The following OPHN1 variants were observed in gnomAD, a reference collection of about 807,000 sequenced individuals.
OPHN1 encodes oligophrenin-1.
Under a neutral mutation model 60.7 loss-of-function variants are expected in OPHN1, and 11 were observed. That is an observed-to-expected ratio of 0.18 (90% CI 0.11 to 0.30). The LOEUF (loss-of-function observed/expected upper bound fraction) is 0.30, where lower values mean the gene tolerates loss of function less well. Among genes scored for constraint, OPHN1 ranks in the 10% least tolerant of loss-of-function variants. The pLI is 1.00. For missense variants in OPHN1, 449 were observed against 611.0 expected, an observed-to-expected ratio of 0.73 and a Z score of 2.80; for synonymous variants, 226 against 222.6, an observed-to-expected ratio of 1.02 and a Z score of -0.14.
chrX:68,317,932 A>G (rs1387999028), intron 2 of OPHN1, among the ~76,000 whole-genome samples: 1 of 111,200 alleles, frequency 9.0e-6, no homozygotes, highest in Non-Finnish European at 1.9e-5. Flanking sequence ...CAAACAAAAA[A>G]CTATACATTG....
intron 20 of OPHN1, chrX:68,071,652 C>T (rs1819500257): frequency 3.6e-6 from 2 of 550,635 alleles, no homozygotes; most frequent in African/African-American, 2.2e-5. Context: ...AGCCTTAATC[C>T]TCTGGTTGTT....
intron 21 of OPHN1, among the ~76,000 whole-genome samples, chrX:68,056,021 G>A (rs954970900): frequency 9.0e-6 from 1 of 110,948 alleles, no homozygotes; most frequent in Non-Finnish European, 1.9e-5. Flanking sequence ...GTTAATGGGT[G>A]CAGCACACCA....
At chrX:68,230,263 A>G (rs2077720996) in intron 6 of OPHN1, among the ~76,000 whole-genome samples, 1 of 111,515 alleles carries the variant, frequency 9.0e-6, no homozygotes, top group South Asian at 3.8e-4. Flanking sequence ...GTCAGGAAAC[A>G]ACAGGTGCTG....
chrX:68,333,550 A>G (rs942686649), intron 2 of OPHN1, among the ~76,000 whole-genome samples: 5 of 110,845 alleles, frequency 4.5e-5, no homozygotes, highest in African/African-American at 1.3e-4. Context: ...CAGGAGAATC[A>G]CTTGAACCCG....
chrX:68,169,334 T>C (rs886849807), intron 15 of OPHN1, among the ~76,000 whole-genome samples: 1 of 111,322 alleles, frequency 9.0e-6, no homozygotes, highest in East Asian at 2.8e-4. Context: ...AGAATCAATA[T>C]TGTGAAAATG....
chrX:68,234,473 C>T lies in OPHN1; in HGVS notation c.486+14G>A. 2 of 1,155,308 alleles carry T rather than the reference C, an allele frequency of 1.7e-6. No homozygotes were observed. Among genetic ancestry groups the T allele is most frequent in the Non-Finnish European group, 2.4e-6 (2 of 843,968 alleles). On this transcript the variant is annotated intron_variant, in intron 6 of 24. Coordinates refer to ENST00000355520, the MANE Select transcript of OPHN1 (RefSeq NM_002547.3). ...GCTAGCAATGGAAGGCAGGGGCAGGCTTTGTGAACATACCTCTTGTAACTG... is the reference window on the plus strand; with the variant it reads ...GCTAGCAATGGAAGGCAGGGGCAGGTTTTGTGAACATACCTCTTGTAACTG...
rs919339469 is a variant in OPHN1 at position 68,383,883 on chromosome X, A to C, written c.154+48984T>G. Among the ~76,000 whole-genome samples, 13 of 110,931 alleles carry C rather than the reference A, an allele frequency of 1.2e-4. 1 individual carries two copies. Among genetic ancestry groups the C allele is most frequent in the African/African-American group, 4.3e-4 (13 of 30,525 alleles). ...CAGTGTTACTGGTGACAAAGCCAAG[A>C]TCTAGAAGCAACTTGACCAGGGAGT... On this transcript the variant is annotated intron_variant, in intron 2 of 24. Transcript: ENST00000355520.
intron 5 of OPHN1, among the ~76,000 whole-genome samples, chrX:68,265,620 C>T (rs1374656957): frequency 1.8e-5 from 2 of 111,682 alleles, no homozygotes; most frequent in African/African-American, 6.5e-5. Context: ...ACTCAGAGCA[C>T]CTCTCCTCCT....
chrX:68,316,691 TTC>T (rs1434232602), intron 2 of OPHN1, among the ~76,000 whole-genome samples: 1 of 111,689 alleles, frequency 9.0e-6, no homozygotes, highest in African/African-American at 3.3e-5. Context: ...ACCACTCTGG[TTC>T]TCTCTTTCCT....
intron 2 of OPHN1, among the ~76,000 whole-genome samples, chrX:68,425,812 C>CTT (rs1188011531): frequency 0.043 from 1,669 of 38,624 alleles, 568 homozygotes; most frequent in Non-Finnish European, 0.05. Context: ...GGACTGGATT[C>CTT]TTTTTTTTTT....
chrX:68,236,926 ATAT>A (rs2077755402), intron 5 of OPHN1, among the ~76,000 whole-genome samples: 7 of 112,234 alleles, frequency 6.2e-5, no homozygotes, highest in South Asian at 3.7e-4. Context: ...CTATTGATCT[ATAT>A]GTCTATCTTT....
At chrX:68,399,403 C>A (rs1475716501) in intron 2 of OPHN1, among the ~76,000 whole-genome samples, 6 of 112,069 alleles carry the variant, frequency 5.4e-5, no homozygotes, top group African/African-American at 1.9e-4. Flanking sequence ...GTAATCCCAG[C>A]ACTTTGGGAG....
Position 68,073,245 on chromosome X carries a change from C to A in OPHN1, c.1741G>T (p.Val581Leu). 8.3e-7 allele frequency: 1 copy of A among 1,211,482 alleles called. No homozygotes were observed. The change falls in exon 20 of 25, where the codon GTG (valine) becomes TTG (leucine). Residue 581 changes from valine (V) to leucine (L), a missense_variant. This residue lies in a region of OPHN1 where 166 missense variants were observed against 278.4 expected (regional missense o/e 0.60). Coordinates refer to ENST00000355520, the MANE Select transcript of OPHN1 (RefSeq NM_002547.3). ...ATTGGTTTGTGCCTTCTTGCTGTCA[C>A]CCGAGGCGGAGGCACTGGCGGTGCA... ...SAAPPVPPPR[V>L]TARRHKPITI... is the part of the protein sequence containing the mutation.
At chrX:68,158,310 A>G (rs754213316) in intron 15 of OPHN1, among the ~76,000 whole-genome samples, 5 of 112,551 alleles carry the variant, frequency 4.4e-5, no homozygotes, top group Non-Finnish European at 9.4e-5. Flanking sequence ...GGGCAGTGAC[A>G]TATACAAGAG....
chrX:68,190,011 A>T (rs960765936), intron 15 of OPHN1, among the ~76,000 whole-genome samples: 1 of 110,868 alleles, frequency 9.0e-6, no homozygotes, highest in Non-Finnish European at 1.9e-5. Flanking sequence ...GATGTTACGT[A>T]ACCAAAAGGC....
intron 2 of OPHN1, among the ~76,000 whole-genome samples, chrX:68,383,598 GAAAAAAAAAAAAAA>G (rs10591078): frequency 4.5e-5 from 1 of 22,366 alleles, no homozygotes; most frequent in Non-Finnish European, 8.4e-5. Flanking sequence ...CTCCATCCCA[GAAAAAAAAAAAAAA>G]AAAAAAAAAA....
At chrX:68,331,955 G>C in intron 2 of OPHN1, among the ~76,000 whole-genome samples, 1 of 110,269 alleles carries the variant, frequency 9.1e-6, no homozygotes, top group East Asian at 2.8e-4. Context: ...AGAATCACTT[G>C]AACCTGAGAG....
rs922859582 is a variant in OPHN1, at chrX:68,071,307, C to A, written c.1834+1845G>T. 55 of 766,240 alleles carry A rather than the reference C, an allele frequency of 7.2e-5. No individual in the cohort carries two copies. The African/African-American group carries it at 1.1e-3, about 15-fold the overall frequency. 63.1% of individuals were successfully genotyped at this position (766,240 alleles called of 1,213,427 possible). Reference sequence around the variant, plus strand: ...CACCATTGACATGCACATTCCCTAGCTTGGAAAGTGAAGCTCGGAAAGCTT... The same window carrying A: ...CACCATTGACATGCACATTCCCTAGATTGGAAAGTGAAGCTCGGAAAGCTT... On this transcript the variant is annotated intron_variant, in intron 20 of 24. Transcript: ENST00000355520.
chrX:68,374,348 C>A (rs2078545382), intron 2 of OPHN1, among the ~76,000 whole-genome samples: 1 of 94,260 alleles, frequency 1.1e-5, no homozygotes, highest in South Asian at 5.1e-4. Context: ...GAGTGAGACT[C>A]CATCTCAAAA....
Sources: gnomAD v4.1 joint callset for allele counts (sites outside exome capture counted in the v4.1 genomes callset) on GRCh38, gnomAD v4.1.1 for gene constraint, gnomAD v4.1.1 regional missense constraint, MANE v1.5 for transcripts, NCBI Gene and HGNC (gene_info 2026-07-23, HGNC 2026-07-21) for gene names.